The following JAK1 variants were observed in gnomAD, a reference collection of about 807,000 sequenced individuals.
The protein encoded by JAK1 is tyrosine-protein kinase JAK1.
JAK1 carries 16 observed loss-of-function variants against 136.6 expected under a neutral mutation model. The ratio of observed to expected loss-of-function variants is 0.12; its 90% CI spans 0.08 to 0.18. JAK1 has a LOEUF of 0.18. Among genes scored for constraint, JAK1 ranks in the 10% least tolerant of loss-of-function variants. The probability of loss-of-function intolerance (pLI) is 1.00; values close to 1 mark genes in which losing one functional copy is unlikely to be tolerated. For synonymous variants in JAK1, 492 were observed against 519.5 expected, an observed-to-expected ratio of 0.95 and a Z score of 0.72; for missense variants, 859 against 1,450.1, an observed-to-expected ratio of 0.59 and a Z score of 6.62.
chr1:64,985,119 A>G, intron 2 of JAK1: 1 of 1,130,396 alleles, frequency 8.8e-7, no homozygotes, highest in Non-Finnish European at 1.4e-6. Context: ...TGCCCTTTCC[A>G]CTAGAAATAG....
chr1:65,016,742 ACAAAAATTAGCCGTGCATGGTGGCAGG>A (rs1646894762), intron 2 of JAK1, among the ~76,000 whole-genome samples: 1 of 152,082 alleles, frequency 6.6e-6, no homozygotes, highest in South Asian at 2.1e-4. Context: ...TACTAAAAAT[ACAAAAATTAGCCGTGCATGGTGGCAGG>A]CACCTGTAAT....
At chr1:64,865,177 T>C (rs1289810690) in intron 7 of JAK1, among the ~76,000 whole-genome samples, 1 of 152,196 alleles carries the variant, frequency 6.6e-6, no homozygotes, top group African/African-American at 2.4e-5. Flanking sequence ...TGGGCTTTCA[T>C]ATCTGGAAGA....
At chr1:65,027,282 A>T (rs977905090) in intron 2 of JAK1, among the ~76,000 whole-genome samples, 3 of 151,584 alleles carry the variant, frequency 2.0e-5, no homozygotes, top group Non-Finnish European at 4.4e-5. Context: ...GGCCAGGCTG[A>T]CCTCAAGTGA....
chr1:64,911,495 T>A (rs774081254), intron 1 of JAK1, among the ~76,000 whole-genome samples: 1 of 152,196 alleles, frequency 6.6e-6, no homozygotes, highest in African/African-American at 2.4e-5. Flanking sequence ...GCCAATAACA[T>A]TGTCTCCGTT....
chr1:64,841,174 C>T (rs937982713), intron 19 of JAK1, 71 bp downstream of exon 19: 29 of 1,085,166 alleles, frequency 2.7e-5, no homozygotes, highest in South Asian at 1.4e-4. Context: ...AGCAGCTGTA[C>T]GTGCAGAGAG....
intron 2 of JAK1, among the ~76,000 whole-genome samples, chr1:65,018,493 C>CAA (rs1557760241): frequency 2.1e-5 from 3 of 146,206 alleles, no homozygotes; most frequent in Non-Finnish European, 4.5e-5. Context: ...AGAGAACACA[C>CAA]ACACACACAC....
At chr1:65,063,381 C>T (rs973115889) in intron 1 of JAK1, among the ~76,000 whole-genome samples, 1 of 152,240 alleles carries the variant, frequency 6.6e-6, no homozygotes, top group Admixed American at 6.5e-5. Flanking sequence ...TGGACTTTTA[C>T]ACTAATCTCC....
chr1:64,856,686 T>TG (rs2101055281), intron 10 of JAK1, among the ~76,000 whole-genome samples: 1 of 152,294 alleles, frequency 6.6e-6, no homozygotes, highest in East Asian at 1.9e-4. Context: ...GCAATGAACC[T>TG]GACAGGCTCT....
intron 1 of JAK1, among the ~76,000 whole-genome samples, chr1:64,912,761 A>G (rs1054487551): frequency 6.6e-6 from 1 of 152,236 alleles, no homozygotes; most frequent in Admixed American, 6.5e-5. Context: ...ACTTCTTGTA[A>G]AAGTACTTCT....
At chr1:64,969,793 C>G (rs761803315), upstream of JAK1, among the ~76,000 whole-genome samples, 1 of 152,044 alleles carries the variant, frequency 6.6e-6, no homozygotes, top group African/African-American at 2.4e-5. Flanking sequence ...ATGCCACCGA[C>G]TAAACAGGAT....
intron 2 of JAK1, chr1:64,995,232 T>A (rs904462978): frequency 2.0e-5 from 3 of 152,156 alleles, no homozygotes; most frequent in African/African-American, 7.2e-5. Flanking sequence ...GATTGATAGA[T>A]TTTTAGCACA....
chr1:64,976,821 C>T (rs1048150348), intron 2 of JAK1, among the ~76,000 whole-genome samples: 3 of 152,140 alleles, frequency 2.0e-5, no homozygotes, highest in African/African-American at 7.2e-5. Context: ...CTCCACTTTA[C>T]CCAGGTTAAC....
chr1:64,871,110 T>C (rs765306195), intron 5 of JAK1, among the ~76,000 whole-genome samples: 6 of 152,186 alleles, frequency 3.9e-5, no homozygotes, highest in Non-Finnish European at 5.9e-5. Context: ...AAAAAGACCA[T>C]CTAAAAATGG....
At chr1:65,019,786 G>A (rs1646921452) in intron 2 of JAK1, among the ~76,000 whole-genome samples, 1 of 151,916 alleles carries the variant, frequency 6.6e-6, no homozygotes, top group Non-Finnish European at 1.5e-5. Context: ...TGTGGTGGCA[G>A]GCACCTGTAA....
At chr1:64,911,410 G>A (rs1382290946) in intron 1 of JAK1, among the ~76,000 whole-genome samples, 1 of 152,188 alleles carries the variant, frequency 6.6e-6, no homozygotes, top group African/African-American at 2.4e-5. Context: ...GTCACTCTCT[G>A]TGTTCATCAC....
chr1:64,914,486 T>C (rs1215803941), intron 1 of JAK1, among the ~76,000 whole-genome samples: 1 of 152,230 alleles, frequency 6.6e-6, no homozygotes, highest in Non-Finnish European at 1.5e-5. Flanking sequence ...AGAACCTTTC[T>C]GAGACAGAAC....
intron 1 of JAK1, among the ~76,000 whole-genome samples, chr1:64,966,100 G>C (rs1262895659): frequency 6.6e-6 from 1 of 150,896 alleles, no homozygotes; most frequent in African/African-American, 2.5e-5. Flanking sequence ...TCTCCCGGCC[G>C]GGGGCCCCCG....
intron 1 of JAK1, among the ~76,000 whole-genome samples, chr1:65,051,548 G>A (rs1262204967): frequency 6.6e-6 from 1 of 152,166 alleles, no homozygotes; most frequent in Non-Finnish European, 1.5e-5. Context: ...TGTGGTCTCA[G>A]AAGTCTTCCC....
intron 2 of JAK1, chr1:64,985,925 C>T (rs1048505368): frequency 1.2e-6 from 1 of 832,944 alleles, no homozygotes; most frequent in African/African-American, 1.7e-5. Flanking sequence ...ACAAGCACAA[C>T]ATCTCAGAGG....
Sources: allele counts gnomAD v4.1 joint callset (sites outside exome capture counted in the v4.1 genomes callset), GRCh38; gene constraint gnomAD v4.1.1; transcripts MANE v1.5; gene names NCBI Gene and HGNC (gene_info 2026-07-23, HGNC 2026-07-21).